ENDOD1: variants seen among roughly 807,000 people sequenced by gnomAD.
ENDOD1 encodes the protein endonuclease domain containing 1.
ENDOD1 carries 9 observed loss-of-function variants against 6.5 expected under a neutral mutation model. The observed-to-expected ratio is 1.39, with a 90% CI of 0.84 to 2.43. The LOEUF (loss-of-function observed/expected upper bound fraction) is 2.43. Among genes scored for constraint, ENDOD1 ranks in the 30% most tolerant of loss-of-function variants. ENDOD1 has a pLI of 0.00. For synonymous variants in ENDOD1, 255 were observed against 255.2 expected (o/e 1.00, Z 0.01); for missense variants, 648 against 635.5 (o/e 1.02, Z -0.21).
Position 95,129,279 on chromosome 11 carries a change from G to A in ENDOD1, c.1203G>A (p.Val401=). Residue 401 remains valine, a synonymous_variant, in exon 2 of 2, where the codon GTG becomes GTA. Transcript: ENST00000278505. ...AGTTGGTGAGCATTCCCTGGAAGGTGCTCAAGGTCGTGGCCAAAGTCATCA... is the reference window on the plus strand; with the variant it reads ...AGTTGGTGAGCATTCCCTGGAAGGTACTCAAGGTCGTGGCCAAAGTCATCA... ...GEELVSIPWK[V]LKVVAKVIRA... is the part of the protein sequence containing the mutation. 2 of 1,614,202 alleles carry A rather than the reference G, an allele frequency of 1.2e-6. No homozygotes were observed. Among genetic ancestry groups the A allele is most frequent in the Non-Finnish European group, 1.7e-6 (2 of 1,180,038 alleles).
chr11:95,097,014 A>G (rs2456965), intron 1 of ENDOD1, among the ~76,000 whole-genome samples: 5 of 152,148 alleles, frequency 3.3e-5, no homozygotes, highest in Non-Finnish European at 7.4e-5. Flanking sequence ...ATTAGCGAGG[A>G]GTGCTGGCAT....
chr11:95,092,122 A>G (rs16921356), intron 1 of ENDOD1, among the ~76,000 whole-genome samples: 17,791 of 152,080 alleles, frequency 0.12, 1,519 homozygotes, highest in African/African-American at 0.25. Context: ...GTGGAAAGAT[A>G]AGGCAGAGTT....
At chr11:95,101,346 A>AAT (rs1266850764) in intron 1 of ENDOD1, among the ~76,000 whole-genome samples, 1 of 152,176 alleles carries the variant, frequency 6.6e-6, no homozygotes, top group African/African-American at 2.4e-5. Flanking sequence ...GATCAAAAAA[A>AAT]TGTTGTTGAA....
chr11:95,091,504 A>G (rs1257171740), intron 1 of ENDOD1, among the ~76,000 whole-genome samples: 3 of 152,232 alleles, frequency 2.0e-5, no homozygotes, highest in Admixed American at 6.5e-5. Context: ...TAAATCCAAA[A>G]TTAGTTTTCC....
intron 1 of ENDOD1, among the ~76,000 whole-genome samples, chr11:95,112,907 T>C (rs1291621563): frequency 1.3e-5 from 2 of 152,208 alleles, no homozygotes; most frequent in East Asian, 3.8e-4. Context: ...CGAAGGCCCA[T>C]TTTGAGGCAT....
intron 1 of ENDOD1, 139 bp downstream of exon 1, chr11:95,090,366 G>A (rs1314961528): frequency 6.7e-6 from 8 of 1,193,254 alleles, no homozygotes; most frequent in Non-Finnish European, 8.7e-6. Context: ...AAGAAACCCG[G>A]GTTCCAGGTC....
chr11:95,111,232 T>G (rs768865528), intron 1 of ENDOD1, among the ~76,000 whole-genome samples: 1 of 152,076 alleles, frequency 6.6e-6, no homozygotes. Context: ...GGGAGTCCGT[T>G]CAGTGCCTTC....
chr11:95,090,139 C>T lies in ENDOD1; in HGVS notation c.212C>T (p.Thr71Ile), dbSNP rs1555109686. Residue 71 changes from threonine to isoleucine, a missense_variant, in exon 1 of 2, where the codon ACC becomes ATC. Physicochemically the swap from Thr to Ile is moderately conservative, Grantham distance 89 (BLOSUM62 -1). Coordinates refer to ENST00000278505, the MANE Select transcript of ENDOD1 (RefSeq NM_015036.3). ...GAERFATLYS[T>I]RDRIPVYSAF... ...GAGCGCTTCGCCACCCTCTACAGCA[C>T]CCGGGACCGCATCCCCGTGTACTCC... 1.3e-6 allele frequency: 2 copies of T among 1,527,008 alleles called. No homozygotes were observed. Among genetic ancestry groups the T allele is most frequent in the Non-Finnish European group, 1.8e-6 (2 of 1,135,872 alleles). The allele number at this position is 1,527,008 out of a possible 1,614,324, so 94.6% of individuals were successfully genotyped here.
chr11:95,118,452 T>C (rs1322614834), intron 1 of ENDOD1, among the ~76,000 whole-genome samples: 1 of 152,242 alleles, frequency 6.6e-6, no homozygotes, highest in Non-Finnish European at 1.5e-5. Context: ...GTAATAGTTT[T>C]TTTCGTTCAG....
At chr11:95,104,940 C>T (rs1441696189) in intron 1 of ENDOD1, among the ~76,000 whole-genome samples, 3 of 152,150 alleles carry the variant, frequency 2.0e-5, no homozygotes, top group Non-Finnish European at 4.4e-5. Flanking sequence ...ACTGAAAACC[C>T]AAGAGAGCCA....
chr11:95,116,891 T>G (rs1555112535), intron 1 of ENDOD1, among the ~76,000 whole-genome samples: 2 of 152,230 alleles, frequency 1.3e-5, no homozygotes, highest in African/African-American at 4.8e-5. Context: ...TTCAGATATG[T>G]TTTGCGACCT....
At chr11:95,118,849 T>C (rs1859235866) in intron 1 of ENDOD1, among the ~76,000 whole-genome samples, 1 of 152,228 alleles carries the variant, frequency 6.6e-6, no homozygotes, top group South Asian at 2.1e-4. Context: ...CATTGTTTTT[T>C]ATTCTTTTTC....
intron 1 of ENDOD1, among the ~76,000 whole-genome samples, chr11:95,112,495 G>A (rs1859160804): frequency 6.6e-6 from 1 of 152,184 alleles, no homozygotes; most frequent in Non-Finnish European, 1.5e-5. Flanking sequence ...GGGTAAATGG[G>A]ATGCAACAAT....
At chr11:95,124,890 T>TAA (rs1308071338) in intron 1 of ENDOD1, among the ~76,000 whole-genome samples, 1 of 152,164 alleles carries the variant, frequency 6.6e-6, no homozygotes, top group African/African-American at 2.4e-5. Flanking sequence ...CCCACAGTCC[T>TAA]TTATAAGTCC....
Position 95,129,690 on chromosome 11 carries a change from G to A in ENDOD1, c.*111G>A. ...TTATCATTATATTTTGGCCTTTGGT[G>A]GGGATGTCTGCTTGTTTTTGCAAAA... On this transcript the variant is annotated 3_prime_UTR_variant, in exon 2 of 2. Coordinates refer to ENST00000278505, the MANE Select transcript of ENDOD1 (RefSeq NM_015036.3). The A allele has an allele frequency of 8.3e-7, 1 of 1,211,356 alleles. No individual in the cohort carries two copies. The highest frequency in any genetic ancestry group is 1.5e-5 in the South Asian group (1 of 66,324). The allele number at this position is 1,211,356 out of a possible 1,614,324, so 75.0% of individuals were successfully genotyped here. A position where few individuals can be genotyped will look rare whatever the true frequency, so the allele number is the denominator to read the frequency against.
chr11:95,111,579 G>A (rs1338271439), intron 1 of ENDOD1, among the ~76,000 whole-genome samples: 4 of 151,636 alleles, frequency 2.6e-5, no homozygotes, highest in African/African-American at 4.9e-5. Flanking sequence ...TTCTCATAAC[G>A]AGCACACAAC....
chr11:95,104,635 A>G (rs1355816599), intron 1 of ENDOD1, among the ~76,000 whole-genome samples: 8 of 152,298 alleles, frequency 5.3e-5, no homozygotes, highest in African/African-American at 1.9e-4. Flanking sequence ...TGCATGAATC[A>G]TAAAACTTAT....
chr11:95,120,417 A>G (rs1480872581), intron 1 of ENDOD1, among the ~76,000 whole-genome samples: 1 of 152,088 alleles, frequency 6.6e-6, no homozygotes, highest in Non-Finnish European at 1.5e-5. Flanking sequence ...TCCCTTCAAG[A>G]CAACACGTTT....
Position 95,129,224 on chromosome 11 carries a change from C to T in ENDOD1, c.1148C>T (p.Thr383Ile). Residue 383 changes from threonine (T) to isoleucine (I), a missense_variant, in exon 2 of 2, where the codon ACC becomes ATC. Coordinates refer to ENST00000278505, the MANE Select transcript of ENDOD1 (RefSeq NM_015036.3). ...TGCCTTTACCGCCTGGGCTCAGCCA[C>T]CATCTCATACTTCATGGCCATTGGG... ...ESCLYRLGSA[T>I]ISYFMAIGEE... 6.2e-7 allele frequency: 1 copy of T among 1,614,208 alleles called. No individual in the cohort carries two copies. Among genetic ancestry groups the T allele is most frequent in the Non-Finnish European group, 8.5e-7 (1 of 1,180,036 alleles).
Sources: gnomAD v4.1 joint callset for allele counts (sites outside exome capture counted in the v4.1 genomes callset) on GRCh38, gnomAD v4.1.1 for gene constraint, MANE v1.5 for transcripts, NCBI Gene and HGNC (gene_info 2026-07-23, HGNC 2026-07-21) for gene names.